The following RAD51B variants were observed in gnomAD, a reference collection of about 807,000 sequenced individuals.
RAD51B encodes the protein RAD51 paralog B.
A neutral mutation model predicts 42.2 loss-of-function variants in RAD51B; 38 were observed. The ratio of observed to expected loss-of-function variants is 0.90; its 90% confidence interval spans 0.70 to 1.18. The LOEUF (loss-of-function observed/expected upper bound fraction) is 1.18, where lower values mean the gene tolerates loss of function less well. RAD51B is among the 50% of genes most tolerant of loss of function. RAD51B has a pLI of 0.00. For synonymous variants in RAD51B, 154 were observed against 145.2 expected (o/e 1.06, Z -0.43); for missense variants, 373 against 400.7 (o/e 0.93, Z 0.59).
chr14:67,838,807 A>T (rs2041332963), intron 4 of RAD51B, among the ~76,000 whole-genome samples: 2 of 151,816 alleles, frequency 1.3e-5, no homozygotes, highest in Admixed American at 1.3e-4. Flanking sequence ...AAAAAAGTAA[A>T]AAAAAAAAAA....
intron 11 of RAD51B, among the ~76,000 whole-genome samples, chr14:68,662,889 C>T (rs771407496): frequency 4.6e-5 from 7 of 152,224 alleles, no homozygotes; most frequent in Non-Finnish European, 1.0e-4. Context: ...TCCACAGCCA[C>T]CCCATCCTCC....
chr14:67,955,196 T>C (rs1297007118), intron 7 of RAD51B, among the ~76,000 whole-genome samples: 2 of 152,210 alleles, frequency 1.3e-5, no homozygotes, highest in African/African-American at 2.4e-5. Flanking sequence ...TACTAGAATT[T>C]GTTTTTGCTT....
chr14:68,232,406 C>T (rs2080166647), intron 7 of RAD51B, among the ~76,000 whole-genome samples: 2 of 152,132 alleles, frequency 1.3e-5, no homozygotes, highest in Non-Finnish European at 1.5e-5. Context: ...TGCTATATCC[C>T]CCAGGTGCTG....
chr14:67,928,797 T>C (rs2044624768), intron 7 of RAD51B, among the ~76,000 whole-genome samples: 2 of 152,182 alleles, frequency 1.3e-5, no homozygotes, highest in Admixed American at 6.5e-5. Flanking sequence ...CCGAGAACCT[T>C]TACCCTTTCT....
chr14:68,048,016 T>TA (rs2076330946), intron 7 of RAD51B, among the ~76,000 whole-genome samples: 1 of 152,190 alleles, frequency 6.6e-6, no homozygotes. Flanking sequence ...TTGAAAACGA[T>TA]ATGGAAATAT....
At chr14:68,635,192 A>G (rs1892317504) in intron 10 of RAD51B, among the ~76,000 whole-genome samples, 1 of 152,174 alleles carries the variant, frequency 6.6e-6, no homozygotes, top group African/African-American at 2.4e-5. Context: ...CCGATCCAAT[A>G]ATAGATGAGC....
intron 10 of RAD51B, among the ~76,000 whole-genome samples, chr14:68,489,720 G>A (rs968983496): frequency 6.6e-6 from 1 of 152,192 alleles, no homozygotes; most frequent in African/African-American, 2.4e-5. Flanking sequence ...TGTAGGAAGA[G>A]GAAAATAGCA....
chr14:67,847,322 T>G (rs1669181132), intron 4 of RAD51B, among the ~76,000 whole-genome samples: 2 of 132,846 alleles, frequency 1.5e-5, no homozygotes, highest in East Asian at 2.0e-4. Flanking sequence ...GGGGTTGGTT[T>G]GTTCTTTTTT....
At chr14:68,382,782 C>T (rs1183492319) in intron 8 of RAD51B, among the ~76,000 whole-genome samples, 5 of 152,150 alleles carry the variant, frequency 3.3e-5, no homozygotes, top group African/African-American at 7.2e-5. Context: ...ACATATCCTA[C>T]TGGTGGTATG....
chr14:68,447,391 C>T (rs1272712692), intron 9 of RAD51B, among the ~76,000 whole-genome samples: 1 of 151,950 alleles, frequency 6.6e-6, no homozygotes, highest in Non-Finnish European at 1.5e-5. Flanking sequence ...CTATATTATT[C>T]CATTCCTTTT....
intron 10 of RAD51B, among the ~76,000 whole-genome samples, chr14:68,560,474 G>A (rs1046436273): frequency 1.3e-5 from 2 of 152,062 alleles, no homozygotes; most frequent in East Asian, 1.9e-4. Context: ...GGTGGCTCAC[G>A]CCTGTAATCC....
At chr14:68,140,615 C>G (rs1261692738) in intron 7 of RAD51B, among the ~76,000 whole-genome samples, 2 of 152,192 alleles carry the variant, frequency 1.3e-5, no homozygotes, top group Non-Finnish European at 2.9e-5. Context: ...GTTTCTCTGC[C>G]ACTTGGGATG....
chr14:68,443,293 T>TTAGCCTGTGGCTTCC (rs2085344928), intron 9 of RAD51B, among the ~76,000 whole-genome samples: 1 of 152,060 alleles, frequency 6.6e-6, no homozygotes, highest in African/African-American at 2.4e-5. Context: ...TCCCATCGAG[T>TTAGCCTGTGGCTTCC]CAGCACATAG....
chr14:68,017,285 T>C (rs937705552), intron 7 of RAD51B, among the ~76,000 whole-genome samples: 1 of 152,106 alleles, frequency 6.6e-6, no homozygotes, highest in Admixed American at 6.5e-5. Context: ...ATCCTCCACC[T>C]CCTAGGTTCA....
chr14:68,313,937 C>A (rs2082009364), intron 8 of RAD51B, among the ~76,000 whole-genome samples: 1 of 152,076 alleles, frequency 6.6e-6, no homozygotes, highest in African/African-American at 2.4e-5. Context: ...GAGCTAAAGA[C>A]CCCGTGGCCT....
chr14:68,167,428 C>T (rs900495263), intron 7 of RAD51B, among the ~76,000 whole-genome samples: 4 of 152,088 alleles, frequency 2.6e-5, no homozygotes, highest in Admixed American at 6.6e-5. Context: ...ACCTATAGCA[C>T]GTATTTTGTG....
In RAD51B at chr14:68,477,675, A is replaced by T. The variant is rs775955303; in HGVS notation, c.*11A>T. On this transcript the variant is annotated 3_prime_UTR_variant, in exon 11 of 11. Transcript: ENST00000471583. ...CAAGAGAAGCCATAGGGATACTGTG[A>T]CCTTTGTCTAGAGTTGATGGGGGTG... 1 of 1,605,736 alleles carries T rather than the reference A, an allele frequency of 6.2e-7. No individual in the cohort carries two copies.
intron 11 of RAD51B, among the ~76,000 whole-genome samples, chr14:68,677,518 A>G (rs900319685): frequency 6.6e-6 from 1 of 152,208 alleles, no homozygotes; most frequent in Non-Finnish European, 1.5e-5. Flanking sequence ...AAGTAAAATT[A>G]CATCACCTCA....
At chr14:68,167,533 A>G (rs2078778455) in intron 7 of RAD51B, among the ~76,000 whole-genome samples, 1 of 152,120 alleles carries the variant, frequency 6.6e-6, no homozygotes, top group Non-Finnish European at 1.5e-5. Context: ...CAGAGGTAGC[A>G]CTTGGTAGAT....
Sources: gnomAD v4.1 joint callset for allele counts (sites outside exome capture counted in the v4.1 genomes callset) on GRCh38, gnomAD v4.1.1 for gene constraint, MANE v1.5 for transcripts, NCBI Gene and HGNC (gene_info 2026-07-23, HGNC 2026-07-21) for gene names.